TPTE2: variants seen among roughly 807,000 people sequenced by gnomAD.
TPTE2 encodes the protein transmembrane phosphoinositide 3-phosphatase and tensin homolog 2.
TPTE2 carries 53 observed loss-of-function variants against 78.6 expected under a neutral mutation model. The ratio of observed to expected loss-of-function variants is 0.67; its 90% CI spans 0.54 to 0.85. The LOEUF (loss-of-function observed/expected upper bound fraction) is 0.85, where lower values mean the gene tolerates loss of function less well. Ranked by LOEUF, TPTE2 falls within the 40% of genes least tolerant of loss-of-function variation. TPTE2 has a pLI of 0.00. For synonymous variants in TPTE2, 175 were observed against 206.2 expected (o/e 0.85, Z 1.30); for missense variants, 461 against 623.0 (o/e 0.74, Z 2.77).
chr13:19,506,566 C>G (rs181517215), upstream of TPTE2, among the ~76,000 whole-genome samples: 1 of 152,270 alleles, frequency 6.6e-6, no homozygotes, highest in African/African-American at 2.4e-5. Context: ...ATTATAAAAG[C>G]ATATTATTCA....
chr13:19,552,933 G>GTAA, the TPTE2 span, among the ~76,000 whole-genome samples: 1 of 146,338 alleles, frequency 6.8e-6, no homozygotes, highest in Non-Finnish European at 1.5e-5. Context: ...ACAATGCCAG[G>GTAA]TAATCACTGC....
At chr13:19,554,740 T>A in the TPTE2 span, among the ~76,000 whole-genome samples, 3 of 152,358 alleles carry the variant, frequency 2.0e-5, no homozygotes, top group South Asian at 2.1e-4. Flanking sequence ...GCTCATTTAC[T>A]CTTCTAACTG....
intron 1 of TPTE2, among the ~76,000 whole-genome samples, chr13:19,526,081 A>G (rs1870478037): frequency 6.6e-6 from 1 of 152,190 alleles, no homozygotes; most frequent in Non-Finnish European, 1.5e-5. Context: ...CTTATACACT[A>G]CTGGTGGATA....
chr13:19,426,830 A>G (rs1050210348), intron 17 of TPTE2, among the ~76,000 whole-genome samples: 1 of 151,606 alleles, frequency 6.6e-6, no homozygotes, highest in Non-Finnish European at 1.5e-5. Flanking sequence ...TCAGCCTCCC[A>G]AGTAGCTGGG....
chr13:19,534,700 C>A (rs1209370925), intron 1 of TPTE2, among the ~76,000 whole-genome samples: 2 of 152,136 alleles, frequency 1.3e-5, no homozygotes, highest in Non-Finnish European at 2.9e-5. Flanking sequence ...TTTTATAAAG[C>A]AGGATTGCTT....
intron 2 of TPTE2, 30 bp from the exon 6 acceptor site, chr13:19,492,933 T>C: frequency 6.2e-7 from 1 of 1,613,528 alleles, no homozygotes; most frequent in Non-Finnish European, 8.5e-7. Flanking sequence ...TACAGTCAGA[T>C]AGGAGACACG....
chr13:19,435,885 T>A (rs1240740769), intron 15 of TPTE2, among the ~76,000 whole-genome samples: 1 of 152,050 alleles, frequency 6.6e-6, no homozygotes, highest in Non-Finnish European at 1.5e-5. Flanking sequence ...TTTTTTACAT[T>A]GAAATCAAAG....
the TPTE2 span, among the ~76,000 whole-genome samples, chr13:19,548,611 G>T: frequency 1.3e-5 from 2 of 151,044 alleles, no homozygotes; most frequent in South Asian, 4.2e-4. Context: ...CCTCTAAATT[G>T]AGAGTTACTC....
At chr13:19,551,480 C>T in the TPTE2 span, among the ~76,000 whole-genome samples, 2 of 151,994 alleles carry the variant, frequency 1.3e-5, no homozygotes, top group African/African-American at 2.4e-5. Context: ...ATCCCAGCTA[C>T]TCGGCTTGGG....
intron 1 of TPTE2, among the ~76,000 whole-genome samples, chr13:19,516,727 T>G (rs1162560099): frequency 2.6e-5 from 4 of 152,108 alleles, no homozygotes; most frequent in Non-Finnish European, 5.9e-5. Context: ...GAACAGAGCA[T>G]TCACCATTAG....
intron 1 of TPTE2, among the ~76,000 whole-genome samples, chr13:19,509,837 A>T (rs1869314089): frequency 6.6e-6 from 1 of 152,204 alleles, no homozygotes; most frequent in Non-Finnish European, 1.5e-5. Flanking sequence ...ATTGATGATG[A>T]TTATATAAAC....
At chr13:19,435,481 C>CT (rs1258306039) in intron 15 of TPTE2, among the ~76,000 whole-genome samples, 1 of 151,862 alleles carries the variant, frequency 6.6e-6, no homozygotes, top group Non-Finnish European at 1.5e-5. Flanking sequence ...ACGTGGCTGG[C>CT]GCCGGCTGAA....
chr13:19,451,717 T>C (rs1306597577), intron 10 of TPTE2, among the ~76,000 whole-genome samples: 4 of 151,980 alleles, frequency 2.6e-5, no homozygotes, highest in Admixed American at 2.6e-4. Flanking sequence ...GATAAACATA[T>C]CAAATTTTAA....
chr13:19,431,707 A>T (rs1876618291), intron 16 of TPTE2, among the ~76,000 whole-genome samples: 1 of 144,596 alleles, frequency 6.9e-6, no homozygotes, highest in Non-Finnish European at 1.5e-5. Context: ...GTCTACCAGA[A>T]ATCAGTGAAA....
intron 10 of TPTE2, among the ~76,000 whole-genome samples, chr13:19,456,152 T>C (rs1380632644): frequency 6.6e-6 from 1 of 152,144 alleles, no homozygotes. Context: ...AAAATGAATA[T>C]GTGAATTTAT....
At chr13:19,458,392 G>A (rs191119994) in intron 10 of TPTE2, 11 of 392,690 alleles carry the variant, frequency 2.8e-5, no homozygotes, top group African/African-American at 1.4e-4. Flanking sequence ...ATAAGGCAGT[G>A]GCCAATTATT....
At chr13:19,516,149 G>A (rs180865135) in intron 1 of TPTE2, among the ~76,000 whole-genome samples, 78 of 152,348 alleles carry the variant, frequency 5.1e-4, no homozygotes, top group Non-Finnish European at 8.7e-4. Context: ...AGCAACCACA[G>A]AAGTTTGAGT....
the TPTE2 span, chr13:19,560,707 G>A: frequency 5.3e-6 from 8 of 1,505,344 alleles, no homozygotes; most frequent in Non-Finnish European, 7.3e-6. Context: ...TGCATTCACT[G>A]GGCCTGTCGT....
At chr13:19,430,113 T>C (rs956295929) in intron 17 of TPTE2, among the ~76,000 whole-genome samples, 1 of 152,116 alleles carries the variant, frequency 6.6e-6, no homozygotes, top group African/African-American at 2.4e-5. Flanking sequence ...TGCTATATAA[T>C]AAAAGATCAA....
Sources: gnomAD v4.1 joint callset for allele counts (sites outside exome capture counted in the v4.1 genomes callset) on GRCh38, gnomAD v4.1.1 for gene constraint, MANE v1.5 for transcripts, NCBI Gene and HGNC (gene_info 2026-07-23, HGNC 2026-07-21) for gene names.